DPT: variants seen among roughly 807,000 people sequenced by gnomAD.
DPT encodes the protein tyrosine-rich acidic matrix protein.
A neutral mutation model predicts 31.2 loss-of-function variants in DPT; 21 were observed. The ratio of observed to expected loss-of-function variants is 0.67; its 90% CI spans 0.48 to 0.97. DPT has a LOEUF of 0.97. Among genes scored for constraint, DPT ranks in the 50% least tolerant of loss-of-function variants. The probability of loss-of-function intolerance (pLI) is 0.00; values close to 1 mark genes in which losing one functional copy is unlikely to be tolerated. For synonymous variants in DPT, 91 were observed against 86.9 expected (o/e 1.05, Z -0.26); for missense variants, 262 against 258.8 (o/e 1.01, Z -0.08).
intron 1 of DPT, among the ~76,000 whole-genome samples, chr1:168,716,293 T>A (rs1004378713): frequency 2.6e-5 from 4 of 152,184 alleles, no homozygotes; most frequent in Admixed American, 2.6e-4. Context: ...TCTGTATCAA[T>A]CACTTTGCTA....
At chr1:168,719,188 C>G (rs1255354182) in intron 1 of DPT, among the ~76,000 whole-genome samples, 2 of 152,170 alleles carry the variant, frequency 1.3e-5, no homozygotes, top group African/African-American at 4.8e-5. Flanking sequence ...AAACTCCCTC[C>G]AAGTAGTTTA....
At chr1:168,728,728 C>A (rs1325194500) in intron 1 of DPT, 142 bp downstream of exon 1, 6 of 1,035,024 alleles carry the variant, frequency 5.8e-6, no homozygotes, top group African/African-American at 1.6e-5. Flanking sequence ...CCTGCTCCAC[C>A]CAGAGCATGC....
At chr1:168,696,777 A>G (rs1557844674) in intron 3 of DPT, among the ~76,000 whole-genome samples, 162 bp from the exon 4 acceptor site, 2 of 152,180 alleles carry the variant, frequency 1.3e-5, no homozygotes, top group Non-Finnish European at 2.9e-5. Context: ...CAGTTTCCCA[A>G]GAACCGACAA....
chr1:168,718,509 T>G (rs1167288606), intron 1 of DPT, among the ~76,000 whole-genome samples: 2 of 152,186 alleles, frequency 1.3e-5, no homozygotes, highest in Non-Finnish European at 2.9e-5. Flanking sequence ...GCCTTCACAT[T>G]TTGGTAGAGT....
Position 168,696,938 on chromosome 1 carries a change from A to G in DPT, c.540-323T>C, listed in dbSNP as rs1239080835. Reference sequence around the variant, plus strand: ...TTAACAGCTTGGAATAAAAGCATTTATTTAACATCATCTCCATTTCATTGT... The same window carrying G: ...TTAACAGCTTGGAATAAAAGCATTTGTTTAACATCATCTCCATTTCATTGT... On this transcript the variant is annotated intron_variant, in intron 3 of 3. Coordinates refer to ENST00000367817, the MANE Select transcript of DPT (RefSeq NM_001937.5). Among the ~76,000 whole-genome samples, 4 of 152,126 alleles carry G rather than the reference A, an allele frequency of 2.6e-5. No homozygotes were observed. In the South Asian group the frequency reaches 8.3e-4, roughly 32 times the overall value.
intron 2 of DPT, among the ~76,000 whole-genome samples, chr1:168,709,217 C>T (rs1470560316): frequency 1.3e-5 from 2 of 152,194 alleles, no homozygotes; most frequent in Non-Finnish European, 2.9e-5. Flanking sequence ...CACAGAGTCT[C>T]CGCCTGGACA....
intron 1 of DPT, among the ~76,000 whole-genome samples, chr1:168,727,745 C>T (rs1280928610): frequency 1.3e-5 from 2 of 151,824 alleles, no homozygotes; most frequent in African/African-American, 4.8e-5. Flanking sequence ...GCTGTGTTCC[C>T]TAGGCTGGTC....
At chr1:168,710,137 G>T (rs1315264474) in intron 2 of DPT, among the ~76,000 whole-genome samples, 3 of 152,214 alleles carry the variant, frequency 2.0e-5, no homozygotes, top group Non-Finnish European at 4.4e-5. Flanking sequence ...ATTTAAAGAT[G>T]CCACTAAAAT....
chr1:168,725,866 T>C (rs902470642), intron 1 of DPT, among the ~76,000 whole-genome samples: 1 of 152,332 alleles, frequency 6.6e-6, no homozygotes, highest in South Asian at 2.1e-4. Flanking sequence ...AATTTGGTTA[T>C]ACAAGGCAGC....
chr1:168,698,086 CT>C (rs1649503784), intron 3 of DPT, among the ~76,000 whole-genome samples: 1 of 152,178 alleles, frequency 6.6e-6, no homozygotes, highest in Non-Finnish European at 1.5e-5. Flanking sequence ...ACAATTTATC[CT>C]AAACACTATG....
At chr1:168,717,799 T>C (rs1650018911) in intron 1 of DPT, among the ~76,000 whole-genome samples, 1 of 152,208 alleles carries the variant, frequency 6.6e-6, no homozygotes, top group African/African-American at 2.4e-5. Flanking sequence ...TTCTTCATTC[T>C]ACCATTGCTC....
intron 3 of DPT, among the ~76,000 whole-genome samples, chr1:168,699,561 G>T (rs1649541265): frequency 1.3e-5 from 2 of 149,430 alleles, no homozygotes; most frequent in South Asian, 2.1e-4. Context: ...AACATATATT[G>T]TGCCTTTCCA....
At chr1:168,714,037 G>A (rs1649925288) in intron 2 of DPT, among the ~76,000 whole-genome samples, 184 bp downstream of exon 2, 1 of 152,164 alleles carries the variant, frequency 6.6e-6, no homozygotes, top group Non-Finnish European at 1.5e-5. Context: ...GTGGGGGGTT[G>A]GATAACCTGA....
chr1:168,722,497 G>A (rs1650140048), intron 1 of DPT, among the ~76,000 whole-genome samples: 1 of 152,072 alleles, frequency 6.6e-6, no homozygotes, highest in Non-Finnish European at 1.5e-5. Flanking sequence ...CAATGTGCAG[G>A]CATTGTGCTT....
At chr1:168,728,620 C>G (rs999547203) in intron 1 of DPT, among the ~76,000 whole-genome samples, 1 of 152,156 alleles carries the variant, frequency 6.6e-6, no homozygotes, top group Non-Finnish European at 1.5e-5. Context: ...GTAGGTAGAA[C>G]AGCTTCTGGA....
At chr1:168,701,447 A>G (rs1363544564) in intron 2 of DPT, among the ~76,000 whole-genome samples, 4 of 152,250 alleles carry the variant, frequency 2.6e-5, no homozygotes, top group African/African-American at 7.2e-5. Flanking sequence ...CAAGTCAACT[A>G]AGACAATGTT....
intron 2 of DPT, among the ~76,000 whole-genome samples, chr1:168,704,647 A>G (rs558099693): frequency 6.6e-6 from 1 of 152,342 alleles, no homozygotes; most frequent in Non-Finnish European, 1.5e-5. Context: ...CTTGTGGTAC[A>G]GTTTCTCACT....
chr1:168,727,693 T>C lies in DPT; in HGVS notation c.305+1177A>G, dbSNP rs117515399. Among the ~76,000 whole-genome samples, 31 of 121,556 alleles carry C rather than the reference T, an allele frequency of 2.6e-4. No individual in the cohort carries two copies. The East Asian group carries it at 5.2e-3, about 20-fold the overall frequency. 79.7% of individuals were successfully genotyped at this position (121,556 alleles called of 152,430 possible). A position where few individuals can be genotyped will look rare whatever the true frequency, so the allele number is the denominator to read the frequency against. On this transcript the variant is annotated intron_variant, in intron 1 of 3. Transcript: ENST00000367817. ...GCTGGGACCACAGGCTGCATGCAAC[T>C]ACACCGGGCTAATTTTTTTTTTTCT...
intron 3 of DPT, 119 bp downstream of exon 3, chr1:168,700,898 T>C (rs1557845680): frequency 2.3e-5 from 13 of 576,488 alleles, no homozygotes. Flanking sequence ...TACGTGTGTG[T>C]GTGTGTGTGG....
Sources: allele counts gnomAD v4.1 joint callset (sites outside exome capture counted in the v4.1 genomes callset), GRCh38; gene constraint gnomAD v4.1.1; transcripts MANE v1.5; gene names NCBI Gene and HGNC (gene_info 2026-07-23, HGNC 2026-07-21).